Variants in MON2 observed in about 807,000 individuals in gnomAD.
The protein encoded by MON2 is protein MON2 homolog.
In MON2, 84 loss-of-function variants were observed where a neutral mutation model predicts 208.6. The ratio of observed to expected loss-of-function variants is 0.40; its 90% CI spans 0.34 to 0.48. The LOEUF is 0.48. Among genes scored for constraint, MON2 ranks in the 20% least tolerant of loss-of-function variants. The pLI is 0.59. For missense variants in MON2, 1,611 were observed against 2,015.4 expected (o/e 0.80, Z 3.84); for synonymous variants, 660 against 694.0 (o/e 0.95, Z 0.77).
intron 12 of MON2, among the ~76,000 whole-genome samples, chr12:62,533,244 C>G (rs928627979): frequency 6.6e-6 from 1 of 152,132 alleles, no homozygotes; most frequent in South Asian, 2.1e-4. Flanking sequence ...AGGAAGCATA[C>G]TACAGTATCA....
rs138329194 is a variant in MON2 at position 62,513,822 on chromosome 12, C to T, written c.984+5342C>T. 4.4e-3 allele frequency among the ~76,000 whole-genome samples: 644 copies of T among 145,780 alleles called. 57 individuals are homozygous for T. Among genetic ancestry groups the T allele is most frequent in the Admixed American group, 0.011 (153 of 14,234 alleles). On this transcript the variant is annotated intron_variant, in intron 8 of 34. Coordinates refer to ENST00000393630, the MANE Select transcript of MON2 (RefSeq NM_015026.3). ...AAAACTAGCCGAGCGTGGTGGCAGG[C>T]ACTTGTAGTCCCAGCTACTGGGGAG...
chr12:62,586,031 G>A (rs1190600087), intron 33 of MON2, among the ~76,000 whole-genome samples: 2 of 152,192 alleles, frequency 1.3e-5, no homozygotes, highest in African/African-American at 4.8e-5. Context: ...GCCTGTGTCA[G>A]TGGAAGGTGC....
intron 4 of MON2, among the ~76,000 whole-genome samples, chr12:62,497,250 C>T (rs2070561511): frequency 6.6e-6 from 1 of 151,178 alleles, no homozygotes; most frequent in African/African-American, 2.4e-5. Flanking sequence ...ACCAGCATGG[C>T]ACATGTACAC....
At chr12:62,503,513 T>C (rs2070946042) in intron 7 of MON2, among the ~76,000 whole-genome samples, 1 of 152,236 alleles carries the variant, frequency 6.6e-6, no homozygotes, top group Admixed American at 6.5e-5. Context: ...TGACACCACA[T>C]CCACAATGGT....
intron 11 of MON2, among the ~76,000 whole-genome samples, chr12:62,531,872 C>G (rs1048351040): frequency 6.6e-6 from 1 of 151,988 alleles, no homozygotes; most frequent in Non-Finnish European, 1.5e-5. Flanking sequence ...TTGGTTCATG[C>G]CATTCTCCTG....
At chr12:62,478,622 A>G (rs952016956) in intron 1 of MON2, among the ~76,000 whole-genome samples, 2 of 152,246 alleles carry the variant, frequency 1.3e-5, no homozygotes, top group Non-Finnish European at 2.9e-5. Flanking sequence ...TATAAAGAGT[A>G]TATTCCTGAT....
At chr12:62,502,204 A>G (rs2070872976) in intron 7 of MON2, among the ~76,000 whole-genome samples, 1 of 152,126 alleles carries the variant, frequency 6.6e-6, no homozygotes, top group African/African-American at 2.4e-5. Flanking sequence ...TAGGCGACAG[A>G]GCAAGACTCT....
chr12:62,586,611 G>A (rs2075227974), intron 33 of MON2, among the ~76,000 whole-genome samples: 1 of 151,812 alleles, frequency 6.6e-6, no homozygotes, highest in African/African-American at 2.4e-5. Flanking sequence ...AGTGTATTTT[G>A]AATTTCTAGA....
chr12:62,484,143 G>A, intron 1 of MON2, 27 bp from the exon 2 acceptor site: 2 of 1,512,060 alleles, frequency 1.3e-6, no homozygotes, highest in Non-Finnish European at 1.8e-6. Context: ...AGTAAATTTT[G>A]TGTTCTAATT....
At chr12:62,564,461 TAAAC>T (rs952059997) in intron 26 of MON2, among the ~76,000 whole-genome samples, 3 of 151,528 alleles carry the variant, frequency 2.0e-5, no homozygotes, top group African/African-American at 7.3e-5. Context: ...AATGAAGACT[TAAAC>T]AAGAAAATAC....
At chr12:62,591,826 A>G (rs190944926) in intron 34 of MON2, among the ~76,000 whole-genome samples, 3 of 152,354 alleles carry the variant, frequency 2.0e-5, no homozygotes, top group East Asian at 1.9e-4. Context: ...CTTTAATACT[A>G]TAATGCCTCT....
At chr12:62,482,910 T>C (rs2069531792) in intron 1 of MON2, 1 of 152,180 alleles carries the variant, frequency 6.6e-6, no homozygotes, top group Non-Finnish European at 1.5e-5. Context: ...GGCATGTACC[T>C]ATAGTACCAG....
chr12:62,523,851 T>A (rs1982991), intron 8 of MON2, among the ~76,000 whole-genome samples: 43,853 of 151,976 alleles, frequency 0.29, 6,299 homozygotes, highest in Middle Eastern at 0.36. Context: ...GATGAACGGG[T>A]TAGCTTTTGT....
intron 1 of MON2, among the ~76,000 whole-genome samples, chr12:62,468,737 G>A (rs538842833): frequency 2.6e-4 from 40 of 152,226 alleles, no homozygotes; most frequent in Admixed American, 2.4e-3. Context: ...TAAATCTAAA[G>A]AATTAGGCTG....
chr12:62,467,770 TATCA>T (rs1269874220), intron 1 of MON2, among the ~76,000 whole-genome samples: 1 of 152,222 alleles, frequency 6.6e-6, no homozygotes, highest in Non-Finnish European at 1.5e-5. Context: ...CTTAACTCTG[TATCA>T]ATCCTTTGAC....
In MON2 at chr12:62,470,748, G is replaced by A. The variant is rs560987654; in HGVS notation, c.111+3430G>A. 2.0e-4 allele frequency: 228 copies of A among 1,132,536 alleles called. 2 individuals are homozygous for A. The African/African-American group carries it at 3.6e-3, about 18-fold the overall frequency. 70.2% of individuals were successfully genotyped at this position (1,132,536 alleles called of 1,614,324 possible). A position where few individuals can be genotyped will look rare whatever the true frequency, so the allele number is the denominator to read the frequency against. On this transcript the variant is annotated intron_variant, in intron 1 of 34. Coordinates refer to ENST00000393630, the MANE Select transcript of MON2 (RefSeq NM_015026.3). ...TGAGCCTGGAAGTTGGAGGAGGGGAGTCATTCCTAGCAGAGGAAATAGCAC... is the reference window on the plus strand; with the variant it reads ...TGAGCCTGGAAGTTGGAGGAGGGGAATCATTCCTAGCAGAGGAAATAGCAC...
At chr12:62,472,453 ATAAT>A (rs1276968245) in intron 1 of MON2, among the ~76,000 whole-genome samples, 4 of 152,220 alleles carry the variant, frequency 2.6e-5, no homozygotes, top group African/African-American at 9.6e-5. Flanking sequence ...AAGGGTATAA[ATAAT>A]TTAAAAGTGC....
chr12:62,578,609 A>G lies in MON2; in HGVS notation c.4575+104A>G, dbSNP rs111510368. 4.6e-5 allele frequency: 32 copies of G among 701,870 alleles called. 1 individual carries two copies. The highest frequency in any genetic ancestry group is 4.1e-4 in the African/African-American group (22 of 53,316). The allele number at this position is 701,870 out of a possible 1,614,324, so 43.5% of individuals were successfully genotyped here. A position where few individuals can be genotyped will look rare whatever the true frequency, so the allele number is the denominator to read the frequency against. ...TGAAAGAATAAAGTAATAGGTTAAG[A>G]TTAAAACTGAAAGCATTAAAACTCT... On this transcript the variant is annotated intron_variant, in intron 31 of 34. Coordinates refer to ENST00000393630, the MANE Select transcript of MON2 (RefSeq NM_015026.3).
At chr12:62,592,167 A>G (rs1206044193) in intron 34 of MON2, among the ~76,000 whole-genome samples, 1 of 152,216 alleles carries the variant, frequency 6.6e-6, no homozygotes, top group Non-Finnish European at 1.5e-5. Context: ...AAATCATTAA[A>G]CATATTTTGT....
Sources: gnomAD v4.1 joint callset for allele counts (sites outside exome capture counted in the v4.1 genomes callset) on GRCh38, gnomAD v4.1.1 for gene constraint, MANE v1.5 for transcripts, NCBI Gene and HGNC (gene_info 2026-07-23, HGNC 2026-07-21) for gene names.